Variants in DSCAM observed in about 807,000 individuals in gnomAD.
DSCAM encodes the protein DS cell adhesion molecule.
In DSCAM, 47 loss-of-function variants were observed where a neutral mutation model predicts 217.7. The ratio of observed to expected loss-of-function variants is 0.22; its 90% CI spans 0.17 to 0.28. DSCAM has a LOEUF of 0.28. Ranked by LOEUF, DSCAM falls within the 10% of genes least tolerant of loss-of-function variation. DSCAM has a pLI of 1.00. For synonymous variants in DSCAM, 1,056 were observed against 1,015.3 expected (o/e 1.04, Z -0.76); for missense variants, 2,080 against 2,618.3 (o/e 0.79, Z 4.49).
chr21:40,148,881 G>A (rs975780601), intron 16 of DSCAM, among the ~76,000 whole-genome samples: 10 of 152,074 alleles, frequency 6.6e-5, no homozygotes, highest in African/African-American at 2.2e-4. Context: ...AATGGTAGAA[G>A]CACCTCTATC....
rs571782403 is a variant in DSCAM at position 40,165,475 on chromosome 21, G to A, written c.3018+1743C>T. ...TAGATTGCACTCCTCCATGAACAAT[G>A]TATTCAGTCGATTCACAATCTAATG... On this transcript the variant is annotated intron_variant, in intron 16 of 32. Coordinates refer to ENST00000400454, the MANE Select transcript of DSCAM (RefSeq NM_001389.5). Among the ~76,000 whole-genome samples the A allele has an allele frequency of 4.3e-4, 66 of 152,292 alleles. 3 individuals are homozygous for A. The South Asian group carries it at 0.013, about 30-fold the overall frequency.
intron 3 of DSCAM, among the ~76,000 whole-genome samples, chr21:40,565,367 T>G (rs1379176503): frequency 6.6e-6 from 1 of 152,138 alleles, no homozygotes; most frequent in Non-Finnish European, 1.5e-5. Context: ...TCAGGGTAGG[T>G]GATCAGGGGT....
chr21:40,456,584 C>T (rs4818131), intron 3 of DSCAM, among the ~76,000 whole-genome samples: 17,854 of 152,026 alleles, frequency 0.12, 1,115 homozygotes, highest in Middle Eastern at 0.2. Flanking sequence ...CTCTAGCTAA[C>T]GATATGTATG....
intron 16 of DSCAM, among the ~76,000 whole-genome samples, chr21:40,165,583 TG>T (rs1461683569): frequency 6.6e-6 from 1 of 152,258 alleles, no homozygotes; most frequent in African/African-American, 2.4e-5. Context: ...CACTGACTTT[TG>T]TGGCTGCTTT....
chr21:40,640,322 C>CA (rs889002893), intron 3 of DSCAM, among the ~76,000 whole-genome samples: 26 of 152,234 alleles, frequency 1.7e-4, no homozygotes, highest in African/African-American at 5.5e-4. Flanking sequence ...GGGTGATGTG[C>CA]AAACCTCAGT....
chr21:40,329,554 C>T (rs1332178546), intron 8 of DSCAM, among the ~76,000 whole-genome samples: 1 of 151,600 alleles, frequency 6.6e-6, no homozygotes, highest in Non-Finnish European at 1.5e-5. Flanking sequence ...GCAGAGGATG[C>T]AGTGAGCCGA....
At chr21:40,091,625 T>C (rs1019660009) in intron 21 of DSCAM, among the ~76,000 whole-genome samples, 4 of 152,192 alleles carry the variant, frequency 2.6e-5, no homozygotes, top group African/African-American at 9.6e-5. Flanking sequence ...TGTATTAGTC[T>C]GTTCTCATGC....
intron 1 of DSCAM, among the ~76,000 whole-genome samples, chr21:40,818,053 G>A (rs1375890270): frequency 9.9e-5 from 13 of 130,958 alleles, no homozygotes; most frequent in African/African-American, 3.2e-4. Context: ...CCGAGATTGC[G>A]CCACTGCAGT....
At chr21:40,246,665 G>A (rs372853011) in intron 11 of DSCAM, among the ~76,000 whole-genome samples, 2 of 152,120 alleles carry the variant, frequency 1.3e-5, no homozygotes, top group African/African-American at 2.4e-5. Context: ...CTACTGTAAA[G>A]AACAGTGCTA....
At chr21:40,488,333 C>A (rs1011077561) in intron 3 of DSCAM, among the ~76,000 whole-genome samples, 5 of 152,160 alleles carry the variant, frequency 3.3e-5, no homozygotes, top group Non-Finnish European at 7.4e-5. Context: ...CTGTGGAGAT[C>A]ACGGCTTCTC....
chr21:40,265,483 TA>T (rs200672500), intron 11 of DSCAM, among the ~76,000 whole-genome samples: 20,542 of 141,132 alleles, frequency 0.15, 3,325 homozygotes, highest in African/African-American at 0.39. Flanking sequence ...TTTCACAAAA[TA>T]AAAAAAAAAA....
chr21:40,174,559 A>T (rs1212138123), intron 15 of DSCAM, among the ~76,000 whole-genome samples: 2 of 151,180 alleles, frequency 1.3e-5, no homozygotes, highest in South Asian at 2.1e-4. Context: ...AGATGAAAAA[A>T]CTATGCTTAG....
At position 40,581,824 on chromosome 21, in the gene DSCAM, A is replaced by G. The variant is rs1291816828; in HGVS notation, c.508+110986T>C. ...ACTGCCTTTAAAGCTATACAGTAAC[A>G]TTTTCATATAGAAGAATTTCTTTCT... On this transcript the variant is annotated intron_variant, in intron 3 of 32. Coordinates refer to ENST00000400454, the MANE Select transcript of DSCAM (RefSeq NM_001389.5). Among the ~76,000 whole-genome samples the G allele has an allele frequency of 2.0e-5, 3 of 152,268 alleles. No homozygotes were observed. The East Asian group carries it at 5.8e-4, about 29-fold the overall frequency.
rs1247713405 is a variant in DSCAM at position 40,124,127 on chromosome 21, C to A, written c.3696+68G>T. ...GTGGGAAACAAAGGAACGAAACTGT[C>A]CAGTGCGAGCACCTGCAGCTCGTCC... On this transcript the variant is annotated intron_variant, in intron 20 of 32. Coordinates refer to ENST00000400454, the MANE Select transcript of DSCAM (RefSeq NM_001389.5). 3.1e-6 allele frequency: 5 copies of A among 1,601,632 alleles called. 1 individual carries two copies. In the African/African-American group the frequency reaches 6.7e-5, roughly 21 times the overall value.
chr21:40,255,992 G>C (rs957593520), intron 11 of DSCAM, among the ~76,000 whole-genome samples: 2 of 152,182 alleles, frequency 1.3e-5, no homozygotes, highest in Non-Finnish European at 2.9e-5. Flanking sequence ...TGCCCAACCT[G>C]CAAAACTCTG....
intron 26 of DSCAM, among the ~76,000 whole-genome samples, chr21:40,077,374 G>A (rs1339678131): frequency 6.6e-6 from 1 of 152,144 alleles, no homozygotes; most frequent in East Asian, 1.9e-4. Flanking sequence ...AAAGCAAGAA[G>A]AGCCAGCCCT....
At chr21:40,073,157 T>A (rs1334884470) in intron 27 of DSCAM, among the ~76,000 whole-genome samples, 1 of 152,058 alleles carries the variant, frequency 6.6e-6, no homozygotes, top group African/African-American at 2.4e-5. Flanking sequence ...ACAGCTGGGG[T>A]GCTCAAGTTC....
At chr21:40,531,851 C>T (rs2076449379) in intron 3 of DSCAM, among the ~76,000 whole-genome samples, 1 of 152,234 alleles carries the variant, frequency 6.6e-6, no homozygotes, top group Non-Finnish European at 1.5e-5. Context: ...CTGCATCCAG[C>T]ATCCCACTCA....
intron 3 of DSCAM, among the ~76,000 whole-genome samples, chr21:40,428,581 T>A (rs975174697): frequency 3.3e-5 from 5 of 152,136 alleles, no homozygotes; most frequent in Non-Finnish European, 7.3e-5. Flanking sequence ...CAAATACTAT[T>A]TTATTATCAA....
Sources: gnomAD v4.1 joint callset for allele counts (sites outside exome capture counted in the v4.1 genomes callset) on GRCh38, gnomAD v4.1.1 for gene constraint, MANE v1.5 for transcripts, NCBI Gene and HGNC (gene_info 2026-07-23, HGNC 2026-07-21) for gene names.